The following STK10 variants were observed in gnomAD, a reference collection of about 807,000 sequenced individuals.
STK10 encodes the protein serine/threonine kinase 10, also known as serine/threonine-protein kinase 10.
A neutral mutation model predicts 113.8 loss-of-function variants in STK10; 78 were observed. The observed-to-expected ratio is 0.69, with a 90% confidence interval of 0.57 to 0.83. The LOEUF (loss-of-function observed/expected upper bound fraction) is 0.83. Ranked by LOEUF, STK10 falls within the 40% of genes least tolerant of loss-of-function variation. The pLI is 0.00. For synonymous variants in STK10, 465 were observed against 494.7 expected, an observed-to-expected ratio of 0.94 and a Z score of 0.80; for missense variants, 1,109 against 1,280.1, an observed-to-expected ratio of 0.87 and a Z score of 2.04.
At chr5:172,048,219 T>G (rs1767537242) in intron 18 of STK10, among the ~76,000 whole-genome samples, 1 of 152,062 alleles carries the variant, frequency 6.6e-6, no homozygotes, top group African/African-American at 2.4e-5. Context: ...AAATTACCCT[T>G]CATCATGTGG....
intron 4 of STK10, among the ~76,000 whole-genome samples, chr5:172,110,449 C>T (rs1205880908): frequency 6.6e-6 from 1 of 152,196 alleles, no homozygotes; most frequent in Non-Finnish European, 1.5e-5. Context: ...TGGCAAAACC[C>T]CCGGAATGCC....
intron 4 of STK10, among the ~76,000 whole-genome samples, chr5:172,113,793 A>G (rs1721246078): frequency 6.6e-6 from 1 of 152,096 alleles, no homozygotes; most frequent in Non-Finnish European, 1.5e-5. Flanking sequence ...CATGCCTGTA[A>G]TCCCAGCTGC....
At chr5:172,047,169 C>T (rs552981460) in intron 18 of STK10, among the ~76,000 whole-genome samples, 19 of 152,290 alleles carry the variant, frequency 1.2e-4, no homozygotes, top group African/African-American at 3.6e-4. Context: ...TCATCACCTC[C>T]GGGTCATTGT....
At chr5:172,053,086 C>T in intron 17 of STK10, 44 bp from the exon 18 acceptor site, 1 of 1,558,744 alleles carries the variant, frequency 6.4e-7, no homozygotes, top group Non-Finnish European at 8.8e-7. Context: ...TCAGAAGACG[C>T]AGGCCCTGAA....
Position 172,064,702 on chromosome 5 carries a change from C to T in STK10, c.2082+18G>A. ...TCGCACCAGCCCCTGCGCTCCCCAG[C>T]TGAGGCCAGGGACTCACAAGAAGCT... On this transcript the variant is annotated intron_variant, in intron 13 of 18. Transcript: ENST00000176763. 6.2e-7 allele frequency: 1 copy of T among 1,613,564 alleles called. No homozygotes were observed. Among genetic ancestry groups the T allele is most frequent in the Non-Finnish European group, 8.5e-7 (1 of 1,179,656 alleles).
chr5:172,126,244 T>G (rs1356559871), intron 3 of STK10, among the ~76,000 whole-genome samples: 1 of 152,190 alleles, frequency 6.6e-6, no homozygotes. Context: ...TCCTGTGTGA[T>G]CTGGGTGAGT....
chr5:172,141,012 C>A (rs1443310721), intron 2 of STK10, among the ~76,000 whole-genome samples: 2 of 152,062 alleles, frequency 1.3e-5, no homozygotes, highest in Admixed American at 6.6e-5. Context: ...AAGCCAGTCA[C>A]GGAAAGGCAA....
At chr5:172,064,966 T>C (rs960704408) in intron 12 of STK10, among the ~76,000 whole-genome samples, 154 bp from the exon 13 acceptor site, 1 of 152,162 alleles carries the variant, frequency 6.6e-6, no homozygotes, top group Non-Finnish European at 1.5e-5. Flanking sequence ...ACCAAGCCCC[T>C]CTGAGCAGGT....
chr5:172,139,726 A>C, intron 2 of STK10, among the ~76,000 whole-genome samples: 1 of 152,106 alleles, frequency 6.6e-6, no homozygotes, highest in South Asian at 2.1e-4. Context: ...GAAGTGTTAA[A>C]CTTAAAAAAG....
chr5:172,070,848 T>C (rs1310229614), intron 12 of STK10, among the ~76,000 whole-genome samples: 1 of 152,052 alleles, frequency 6.6e-6, no homozygotes, highest in South Asian at 2.1e-4. Flanking sequence ...TCAGGAAATA[T>C]TTAATGCCAA....
At chr5:172,065,940 G>T (rs1208056709) in intron 12 of STK10, among the ~76,000 whole-genome samples, 1 of 152,162 alleles carries the variant, frequency 6.6e-6, no homozygotes, top group African/African-American at 2.4e-5. Context: ...AGCCAGCTGG[G>T]ATTGGGTTTC....
intron 10 of STK10, among the ~76,000 whole-genome samples, chr5:172,084,151 C>T (rs1357904508): frequency 6.6e-6 from 1 of 151,848 alleles, no homozygotes; most frequent in Non-Finnish European, 1.5e-5. Flanking sequence ...CCTGTAATCC[C>T]AGCACTTTGG....
chr5:172,078,799 G>A (rs1482428473), intron 12 of STK10, among the ~76,000 whole-genome samples: 1 of 151,946 alleles, frequency 6.6e-6, no homozygotes, highest in Non-Finnish European at 1.5e-5. Flanking sequence ...GCAGGCTCGA[G>A]AGCCTTCCTG....
At chr5:172,183,292 T>G (rs138500009) in intron 1 of STK10, among the ~76,000 whole-genome samples, 6 of 152,182 alleles carry the variant, frequency 3.9e-5, no homozygotes, top group Non-Finnish European at 8.8e-5. Flanking sequence ...GTCCACATTG[T>G]GTGCATGAGT....
At chr5:172,078,211 G>A (rs1768353923) in intron 12 of STK10, among the ~76,000 whole-genome samples, 1 of 152,212 alleles carries the variant, frequency 6.6e-6, no homozygotes, top group African/African-American at 2.4e-5. Flanking sequence ...GGGATATCTG[G>A]GGTTGCCATG....
intron 2 of STK10, among the ~76,000 whole-genome samples, chr5:172,138,167 G>A (rs933283508): frequency 4.6e-5 from 7 of 152,064 alleles, no homozygotes; most frequent in Non-Finnish European, 1.0e-4. Context: ...TGTCACCCAG[G>A]CTGGAGTGCA....
At chr5:172,147,530 C>T (rs941999678) in intron 2 of STK10, among the ~76,000 whole-genome samples, 16 of 152,180 alleles carry the variant, frequency 1.1e-4, no homozygotes, top group East Asian at 1.9e-4. Context: ...TAGCTGGGAC[C>T]ACAGGCACAT....
chr5:172,046,465 A>G (rs767007562), intron 18 of STK10, among the ~76,000 whole-genome samples: 22 of 152,144 alleles, frequency 1.4e-4, no homozygotes, highest in Non-Finnish European at 3.2e-4. Context: ...TGCTCTAGGA[A>G]TACCAACAAT....
intron 2 of STK10, among the ~76,000 whole-genome samples, chr5:172,128,582 T>C (rs1475426512): frequency 3.3e-5 from 5 of 152,196 alleles, no homozygotes; most frequent in African/African-American, 1.2e-4. Flanking sequence ...CCACCCGCCC[T>C]GGCCTCCCAA....
Sources: allele counts gnomAD v4.1 joint callset (sites outside exome capture counted in the v4.1 genomes callset), GRCh38; gene constraint gnomAD v4.1.1; transcripts MANE v1.5; gene names NCBI Gene and HGNC (gene_info 2026-07-23, HGNC 2026-07-21).